CNTNAP5: variants seen among roughly 807,000 people sequenced by gnomAD.
The protein encoded by CNTNAP5 is contactin associated protein family member 5.
Under a neutral mutation model 150.2 loss-of-function variants are expected in CNTNAP5, and 72 were observed. That is an observed-to-expected ratio of 0.48 (90% CI 0.40 to 0.58). The LOEUF is 0.58. Among genes scored for constraint, CNTNAP5 ranks in the 20% least tolerant of loss-of-function variants. CNTNAP5 has a pLI of 0.00. For missense variants in CNTNAP5, 1,636 were observed against 1,626.2 expected (o/e 1.01, Z -0.10); for synonymous variants, 672 against 619.8 (o/e 1.08, Z -1.25).
At chr2:124,482,436 C>A (rs1213206621) in intron 7 of CNTNAP5, among the ~76,000 whole-genome samples, 4 of 152,112 alleles carry the variant, frequency 2.6e-5, no homozygotes, top group Non-Finnish European at 5.9e-5. Flanking sequence ...GAAAGCAATC[C>A]ACCATCAGGT....
At chr2:124,135,628 A>T (rs4538203) in intron 1 of CNTNAP5, among the ~76,000 whole-genome samples, 74,831 of 152,080 alleles carry the variant, frequency 0.49, 18,916 homozygotes, top group South Asian at 0.61. Context: ...TGTGGAGTCT[A>T]TAAGCTTGTC....
chr2:124,413,376 A>T (rs1039944277), intron 3 of CNTNAP5, among the ~76,000 whole-genome samples: 1 of 148,906 alleles, frequency 6.7e-6, no homozygotes, highest in Non-Finnish European at 1.5e-5. Context: ...CCATCCCATT[A>T]CTGGGTATAT....
At chr2:124,235,592 A>G (rs1365012369) in intron 2 of CNTNAP5, among the ~76,000 whole-genome samples, 1 of 152,148 alleles carries the variant, frequency 6.6e-6, no homozygotes, top group Non-Finnish European at 1.5e-5. Context: ...TGTCCTGATG[A>G]TGTCCCATAG....
At chr2:124,557,603 C>T (rs1446883828) in intron 10 of CNTNAP5, among the ~76,000 whole-genome samples, 3 of 151,942 alleles carry the variant, frequency 2.0e-5, no homozygotes, top group Non-Finnish European at 4.4e-5. Context: ...ATGGAGCTAA[C>T]GTTCATTTTC....
At chr2:124,044,931 C>T (rs973497349) in intron 1 of CNTNAP5, among the ~76,000 whole-genome samples, 6 of 143,146 alleles carry the variant, frequency 4.2e-5, no homozygotes, top group Admixed American at 1.4e-4. Flanking sequence ...CACACACACA[C>T]ATGAATAAGT....
intron 3 of CNTNAP5, among the ~76,000 whole-genome samples, chr2:124,264,324 C>T (rs940095004): frequency 1.3e-4 from 20 of 150,046 alleles, no homozygotes; most frequent in South Asian, 4.3e-4. Flanking sequence ...TGAGAGTGTT[C>T]GAGTAAACAA....
chr2:124,603,377 T>C (rs1365038498), intron 11 of CNTNAP5, among the ~76,000 whole-genome samples: 3 of 152,148 alleles, frequency 2.0e-5, no homozygotes. Flanking sequence ...TTGTGCCACA[T>C]TAGAGGCACC....
chr2:124,799,534 A>G (rs937123586), intron 19 of CNTNAP5, among the ~76,000 whole-genome samples: 1 of 152,252 alleles, frequency 6.6e-6, no homozygotes, highest in African/African-American at 2.4e-5. Flanking sequence ...ATTCTGCCCA[A>G]GCCATGCCAC....
intron 13 of CNTNAP5, among the ~76,000 whole-genome samples, chr2:124,743,384 C>G (rs1221615364): frequency 1.3e-5 from 2 of 152,180 alleles, no homozygotes; most frequent in African/African-American, 4.8e-5. Context: ...TCCCGAATCT[C>G]GTTTCTAGCT....
chr2:124,336,680 C>G (rs1019215346), intron 3 of CNTNAP5, among the ~76,000 whole-genome samples: 4 of 151,994 alleles, frequency 2.6e-5, no homozygotes, highest in African/African-American at 9.6e-5. Context: ...CAGCTTCATC[C>G]ATGTCCCTGC....
chr2:124,121,181 C>T (rs1359915109), intron 1 of CNTNAP5, among the ~76,000 whole-genome samples: 14 of 152,052 alleles, frequency 9.2e-5, no homozygotes, highest in Non-Finnish European at 1.9e-4. Context: ...CATGCACACA[C>T]GCATACAGAT....
intron 8 of CNTNAP5, among the ~76,000 whole-genome samples, chr2:124,507,963 T>A (rs984952695): frequency 6.6e-5 from 10 of 152,198 alleles, no homozygotes; most frequent in Non-Finnish European, 1.2e-4. Flanking sequence ...TCTGTCATAT[T>A]CTATTCCTTA....
At chr2:124,139,293 C>A (rs545236065) in intron 1 of CNTNAP5, among the ~76,000 whole-genome samples, 220 of 147,348 alleles carry the variant, frequency 1.5e-3, no homozygotes, top group African/African-American at 5.4e-3. Context: ...CACACACACA[C>A]AATGCTGTTT....
intron 18 of CNTNAP5, among the ~76,000 whole-genome samples, chr2:124,792,914 TG>T (rs1681765493): frequency 6.6e-6 from 1 of 152,210 alleles, no homozygotes; most frequent in Admixed American, 6.5e-5. Context: ...CACCACAGTT[TG>T]TTTATCCATT....
intron 3 of CNTNAP5, among the ~76,000 whole-genome samples, chr2:124,381,994 GA>G (rs1335657817): frequency 6.6e-6 from 1 of 152,168 alleles, no homozygotes; most frequent in Non-Finnish European, 1.5e-5. Flanking sequence ...GCAACAAGGG[GA>G]AGTGAAATCT....
chr2:124,763,703 G>A lies in CNTNAP5; in HGVS notation c.2266G>A (p.Asp756Asn). ...TNDTGFLSFK[D>N]HLPVTQIVIT... The stretch of plus-strand genomic sequence containing the variant: ...TGATACTGGCTTTCTTTCCTTCAAA[G>A]ACCACTTGCCTGTCACTCAGATAGT... Residue 756 changes from aspartate (D) to asparagine (N), a missense_variant, in exon 15 of 24, where the codon GAC becomes AAC. Transcript: ENST00000682447. The A allele has an allele frequency of 1.9e-6, 3 of 1,612,686 alleles. No homozygotes were observed. In the South Asian group the frequency reaches 3.3e-5, roughly 18 times the overall value.
intron 1 of CNTNAP5, among the ~76,000 whole-genome samples, chr2:124,119,542 A>G (rs533027192): frequency 7.1e-4 from 108 of 152,330 alleles, no homozygotes; most frequent in Middle Eastern, 6.8e-3. Context: ...ACTGACCGAT[A>G]GTAATTTTTG....
chr2:124,763,544 GT>G (rs1681001673), intron 14 of CNTNAP5, 127 bp from the exon 15 acceptor site: 2 of 781,566 alleles, frequency 2.6e-6, no homozygotes, highest in African/African-American at 1.8e-5. Context: ...AAGGCCTTCT[GT>G]TTTCCCCCTC....
chr2:124,345,650 A>C (rs1689720161), intron 3 of CNTNAP5, among the ~76,000 whole-genome samples: 1 of 152,332 alleles, frequency 6.6e-6, no homozygotes, highest in South Asian at 2.1e-4. Flanking sequence ...TTTTCAAAAA[A>C]GTTTTAATCT....
Sources: allele counts gnomAD v4.1 joint callset (sites outside exome capture counted in the v4.1 genomes callset), GRCh38; gene constraint gnomAD v4.1.1; transcripts MANE v1.5; gene names NCBI Gene and HGNC (gene_info 2026-07-23, HGNC 2026-07-21).